The following PYHIN1 variants were observed in gnomAD, a reference collection of about 807,000 sequenced individuals.
PYHIN1 encodes the protein pyrin and HIN domain family member 1.
PYHIN1 carries 32 observed loss-of-function variants against 43.7 expected under a neutral mutation model. That is an observed-to-expected ratio of 0.73 (90% confidence interval 0.55 to 0.98). The LOEUF (loss-of-function observed/expected upper bound fraction) is 0.98. Among genes scored for constraint, PYHIN1 ranks in the 50% least tolerant of loss-of-function variants. The pLI is 0.00. For missense variants in PYHIN1, 588 were observed against 589.5 expected (o/e 1.00, Z 0.03); for synonymous variants, 205 against 203.1 (o/e 1.01, Z -0.08).
At chr1:158,986,507 C>A in the PYHIN1 span, among the ~76,000 whole-genome samples, 2 of 152,136 alleles carry the variant, frequency 1.3e-5, no homozygotes, top group Non-Finnish European at 2.9e-5. Context: ...AGTCTACTGT[C>A]TAAACCATCT....
chr1:158,932,929 G>A (rs2101634541), intron 1 of PYHIN1, among the ~76,000 whole-genome samples: 1 of 152,134 alleles, frequency 6.6e-6, no homozygotes, highest in African/African-American at 2.4e-5. Context: ...GTATAGCCTG[G>A]TGCAATATCT....
Position 158,939,237 on chromosome 1 carries a change from C to T in PYHIN1, c.569C>T (p.Ser190Phe), listed in dbSNP as rs1207242767. 1 of 1,600,362 alleles carries T rather than the reference C, an allele frequency of 6.2e-7. No individual in the cohort carries two copies. Among genetic ancestry groups the T allele is most frequent in the Non-Finnish European group, 8.5e-7 (1 of 1,174,612 alleles). The stretch of plus-strand genomic sequence containing the variant: ...TCATCATCAGCTCCACCCAACACTT[C>T]CTCAACTGAGGTACACTCTTCCTGG... Reference protein sequence around the residue: ...QTSSSAPPNTSSTESLKPLAN... With the variant: ...QTSSSAPPNTFSTESLKPLAN... The change falls in exon 4 of 9, where the codon TCC becomes TTC. Residue 190 changes from serine to phenylalanine, a missense_variant. Physicochemically the swap from Ser to Phe is radical, Grantham distance 155. Coordinates refer to ENST00000368140, the MANE Select transcript of PYHIN1 (RefSeq NM_152501.5).
chr1:158,942,282 C>A lies in PYHIN1; in HGVS notation c.885C>A (p.Asp295Glu). ...CTTCTGTATCTGAAGCTGGTCCTGA[C>A]CAAACGTTTGAGGTTCCAAAGGACA... The part of the protein sequence containing the change: ...EASSVSEAGP[D>E]QTFEVPKDII... Residue 295 changes from aspartate to glutamate, a missense_variant, in exon 5 of 9, where the codon GAC becomes GAA. By Grantham distance (45) the Asp-to-Glu change is conservative. Coordinates refer to ENST00000368140, the MANE Select transcript of PYHIN1 (RefSeq NM_152501.5). 6.2e-7 allele frequency: 1 copy of A among 1,614,006 alleles called. No individual in the cohort carries two copies. The highest frequency in any genetic ancestry group is 8.5e-7 in the Non-Finnish European group (1 of 1,179,958).
At chr1:158,970,639 A>T (rs1650879844) in intron 7 of PYHIN1, among the ~76,000 whole-genome samples, 1 of 152,002 alleles carries the variant, frequency 6.6e-6, no homozygotes, top group Non-Finnish European at 1.5e-5. Flanking sequence ...AGACTAGCTT[A>T]TTTAATATTT....
At position 158,933,841 on chromosome 1, in the gene PYHIN1, A is replaced by C. The variant is rs2101636762; in HGVS notation, c.-21+2065A>C. 6.6e-6 allele frequency among the ~76,000 whole-genome samples: 1 copy of C among 152,148 alleles called. No individual in the cohort carries two copies. The highest frequency in any genetic ancestry group is 2.4e-5 in the African/African-American group (1 of 41,540). On this transcript the variant is annotated intron_variant, in intron 1 of 8. Transcript: ENST00000368140. This position sits in a 1 kb window ranked among gnomAD's most constrained non-coding sequence, Gnocchi z 6.3. ...AGGGCTTTCTTTTTAAGTCATAGGC[A>C]CACATAATCAAGTTCGTTTTTCATT...
intron 7 of PYHIN1, among the ~76,000 whole-genome samples, chr1:158,972,061 T>C (rs746940052): frequency 2.6e-5 from 4 of 152,110 alleles, no homozygotes; most frequent in Non-Finnish European, 4.4e-5. Flanking sequence ...CTTCATCTCA[T>C]AGTGAAACCA....
intron 7 of PYHIN1, among the ~76,000 whole-genome samples, chr1:158,952,984 G>A (rs1354476871): frequency 6.6e-6 from 1 of 152,196 alleles, no homozygotes; most frequent in Non-Finnish European, 1.5e-5. Flanking sequence ...GTCAAAGAAA[G>A]GGGTGATCGA....
In PYHIN1 at chr1:158,944,937, G is replaced by C. The variant is rs765715670; in HGVS notation, c.1254G>C (p.Gln418His). The change falls in exon 7 of 9, where the codon CAG (glutamine) becomes CAC (histidine). Residue 418 changes from glutamine to histidine, a missense_variant. Physicochemically the swap from Gln to His is conservative, Grantham distance 24. Coordinates refer to ENST00000368140, the MANE Select transcript of PYHIN1 (RefSeq NM_152501.5). ...DSRSMALPQE[Q>H]SQHPKPSEAS... ...GGAGCATGGCACTACCCCAGGAACA[G>C]AGTCAGCATCCAAAACCTTCAGAGG... 8 of 1,613,750 alleles carry C rather than the reference G, an allele frequency of 5.0e-6. No individual in the cohort carries two copies. Among genetic ancestry groups the C allele is most frequent in the East Asian group, 2.2e-5 (1 of 44,868 alleles).
At chr1:158,955,102 G>C (rs12089443) in intron 7 of PYHIN1, among the ~76,000 whole-genome samples, 2,348 of 148,826 alleles carry the variant, frequency 0.016, 59 homozygotes, top group African/African-American at 0.057. Flanking sequence ...ATTCGTAAAG[G>C]AAGTCCTGAG....
intron 7 of PYHIN1, among the ~76,000 whole-genome samples, chr1:158,952,623 C>T (rs1345999035): frequency 2.0e-5 from 3 of 152,128 alleles, no homozygotes; most frequent in African/African-American, 7.2e-5. Context: ...TCCTCCTTCC[C>T]CTTTTTAGGC....
chr1:158,978,242 T>C (rs991267105), downstream of PYHIN1, among the ~76,000 whole-genome samples: 3 of 151,990 alleles, frequency 2.0e-5, no homozygotes, highest in Non-Finnish European at 2.9e-5. Flanking sequence ...CAAATATCAT[T>C]GCTAATATTC....
intron 8 of PYHIN1, among the ~76,000 whole-genome samples, chr1:158,975,697 A>G (rs1651216127): frequency 6.6e-6 from 1 of 152,108 alleles, no homozygotes; most frequent in South Asian, 2.1e-4. Context: ...GCTCTAGACA[A>G]GTTAAGTTTG....
the PYHIN1 span, among the ~76,000 whole-genome samples, chr1:158,987,418 A>G: frequency 6.6e-6 from 1 of 152,140 alleles, no homozygotes; most frequent in Non-Finnish European, 1.5e-5. Flanking sequence ...GGTCTTTATT[A>G]TTAAGTTGTA....
At chr1:158,951,949 T>G (rs1054063108) in intron 7 of PYHIN1, among the ~76,000 whole-genome samples, 1 of 152,206 alleles carries the variant, frequency 6.6e-6, no homozygotes, top group Admixed American at 6.5e-5. Context: ...AAATTTTTTC[T>G]TAAATCTTAG....
At chr1:158,953,889 T>C (rs1255738299) in intron 7 of PYHIN1, among the ~76,000 whole-genome samples, 1 of 142,146 alleles carries the variant, frequency 7.0e-6, no homozygotes, top group Non-Finnish European at 1.5e-5. Flanking sequence ...GAATAACCAA[T>C]ACAGAGAAGT....
chr1:158,939,709 C>T, intron 4 of PYHIN1: 1 of 602,138 alleles, frequency 1.7e-6, no homozygotes, highest in Non-Finnish European at 3.0e-6. Flanking sequence ...AGGGAATCCT[C>T]ACTTAGACCC....
In PYHIN1 at chr1:158,939,175, G is replaced by T; in HGVS notation, c.507G>T (p.Thr169=). The change falls in exon 4 of 9, where the codon ACG becomes ACT. Residue 169 remains threonine (T), a synonymous_variant. Coordinates refer to ENST00000368140, the MANE Select transcript of PYHIN1 (RefSeq NM_152501.5). Reference sequence around the variant, plus strand: ...CTTCCTGCTCTGCAGGAGCCAGCACGTCCACAGCCATGGGCCGTTCCCCAC... The same window carrying T: ...CTTCCTGCTCTGCAGGAGCCAGCACTTCCACAGCCATGGGCCGTTCCCCAC... ...TRPSCSAGAS[T]STAMGRSPPP... 8 of 1,613,896 alleles carry T rather than the reference G, an allele frequency of 5.0e-6. No individual in the cohort carries two copies. Among genetic ancestry groups the T allele is most frequent in the Non-Finnish European group, 6.8e-6 (8 of 1,179,944 alleles).
chr1:158,968,083 A>C (rs370487052), intron 7 of PYHIN1, among the ~76,000 whole-genome samples: 59 of 152,170 alleles, frequency 3.9e-4, no homozygotes, highest in African/African-American at 1.3e-3. Context: ...CATAAAGAAA[A>C]AATGACAAAT....
chr1:158,969,012 A>G (rs934688593), intron 7 of PYHIN1, among the ~76,000 whole-genome samples: 4 of 152,044 alleles, frequency 2.6e-5, no homozygotes, highest in South Asian at 2.1e-4. Flanking sequence ...CAGTTTACCT[A>G]TGTAACAAAC....
Sources: gnomAD v4.1 joint callset for allele counts (sites outside exome capture counted in the v4.1 genomes callset) on GRCh38, gnomAD v4.1.1 for gene constraint, Gnocchi (gnomAD v3.1) non-coding constraint, MANE v1.5 for transcripts, NCBI Gene and HGNC (gene_info 2026-07-23, HGNC 2026-07-21) for gene names.